The following MYO1D variants were observed in gnomAD, a reference collection of about 807,000 sequenced individuals.
MYO1D encodes unconventional myosin-Id.
In MYO1D, 83 loss-of-function variants were observed where a neutral mutation model predicts 122.0. The ratio of observed to expected loss-of-function variants is 0.68; its 90% confidence interval spans 0.57 to 0.82. The LOEUF is 0.82. Among genes scored for constraint, MYO1D ranks in the 40% least tolerant of loss-of-function variants. The pLI, the probability that MYO1D is intolerant of heterozygous loss-of-function variation, is 0.00. For synonymous variants in MYO1D, 464 were observed against 446.9 expected, an observed-to-expected ratio of 1.04 and a Z score of -0.48; for missense variants, 1,157 against 1,269.5, an observed-to-expected ratio of 0.91 and a Z score of 1.35.
rs753388708 is a variant in MYO1D, at chr17:32,764,997, T to C, written c.916A>G (p.Thr306Ala). 5 of 1,614,066 alleles carry C rather than the reference T, an allele frequency of 3.1e-6. No individual in the cohort carries two copies. The East Asian group carries it at 8.9e-5, about 29-fold the overall frequency. ...VVSIIAELLS[T>A]KTDMVEKALL... ...GCTTTCTCAACCATATCTGTCTTAG[T>C]AGAGAGCAATTCTGCTATGATAGAT... The change falls in exon 8 of 22, where the codon ACT (threonine) becomes GCT (alanine). Residue 306 changes from threonine (T) to alanine (A), a missense_variant. By Grantham distance (58) the Thr-to-Ala change is moderately conservative (BLOSUM62 0). Transcript: ENST00000318217.
chr17:32,828,515 C>CAAAAAAA (rs137921871), intron 1 of MYO1D, among the ~76,000 whole-genome samples: 75 of 71,716 alleles, frequency 1.0e-3, no homozygotes, highest in Non-Finnish European at 1.2e-3. Context: ...GACTCCGTCT[C>CAAAAAAA]AAAAAAAAAA....
chr17:32,560,186 C>T (rs1026830475), intron 21 of MYO1D, among the ~76,000 whole-genome samples: 7 of 151,892 alleles, frequency 4.6e-5, no homozygotes, highest in South Asian at 2.1e-4. Context: ...ACCTGGGAGG[C>T]GGAGGTTGCA....
At chr17:32,657,475 C>A (rs1235591103) in intron 17 of MYO1D, among the ~76,000 whole-genome samples, 3 of 152,208 alleles carry the variant, frequency 2.0e-5, no homozygotes, top group Admixed American at 6.5e-5. Flanking sequence ...GCCTACAAAG[C>A]CTAAAATACT....
intron 15 of MYO1D, among the ~76,000 whole-genome samples, chr17:32,716,792 C>T (rs931474458): frequency 1.3e-5 from 2 of 152,244 alleles, no homozygotes; most frequent in Middle Eastern, 3.2e-3. Context: ...GGCACTCTGC[C>T]TTCTTTCATG....
chr17:32,632,261 TAGC>T (rs2088017729), intron 20 of MYO1D: 1 of 152,082 alleles, frequency 6.6e-6, no homozygotes, highest in South Asian at 2.1e-4. Flanking sequence ...TTAATAAGAG[TAGC>T]AGACTGGAAA....
At chr17:32,869,546 G>A (rs888863637) in intron 1 of MYO1D, among the ~76,000 whole-genome samples, 1 of 152,130 alleles carries the variant, frequency 6.6e-6, no homozygotes, top group Admixed American at 6.6e-5. Context: ...ACCACAAATG[G>A]GTACTAGAGA....
chr17:32,829,152 A>C (rs1432279855), intron 1 of MYO1D, among the ~76,000 whole-genome samples: 1 of 152,258 alleles, frequency 6.6e-6, no homozygotes, highest in East Asian at 1.9e-4. Context: ...TAGCAAAAAG[A>C]GAGTCATCTA....
intron 14 of MYO1D, among the ~76,000 whole-genome samples, chr17:32,737,362 C>CTTTT (rs59432486): frequency 2.1e-5 from 3 of 142,134 alleles, no homozygotes; most frequent in African/African-American, 2.6e-5. Flanking sequence ...AATAATACAA[C>CTTTT]TTTTTTTTTT....
At chr17:32,531,055 G>A (rs1910495039) in intron 21 of MYO1D, among the ~76,000 whole-genome samples, 2 of 152,162 alleles carry the variant, frequency 1.3e-5, no homozygotes, top group Admixed American at 1.3e-4. Flanking sequence ...GCCCAGCATA[G>A]GCCGACACTC....
chr17:32,601,394 T>C (rs1232333832), intron 21 of MYO1D, among the ~76,000 whole-genome samples: 1 of 152,090 alleles, frequency 6.6e-6, no homozygotes, highest in Non-Finnish European at 1.5e-5. Context: ...AGGGAATAGA[T>C]GGTCAGTGGA....
chr17:32,708,539 C>T (rs2089336625), intron 16 of MYO1D, among the ~76,000 whole-genome samples: 1 of 152,264 alleles, frequency 6.6e-6, no homozygotes, highest in South Asian at 2.1e-4. Context: ...CATTAAATTT[C>T]TATAAGGATA....
At chr17:32,695,315 G>A (rs957844163) in intron 16 of MYO1D, among the ~76,000 whole-genome samples, 10 of 152,322 alleles carry the variant, frequency 6.6e-5, no homozygotes, top group African/African-American at 1.4e-4. Flanking sequence ...TACAGGAGGC[G>A]GAGCTCAGGT....
intron 20 of MYO1D, among the ~76,000 whole-genome samples, chr17:32,615,957 A>G (rs545478808): frequency 7.2e-5 from 11 of 152,244 alleles, no homozygotes; most frequent in Non-Finnish European, 1.5e-4. Flanking sequence ...CTGGACTGAA[A>G]GCAACATAGA....
chr17:32,673,090 CTTTTTTTTTTTTTTTT>C (rs60912187), intron 16 of MYO1D, among the ~76,000 whole-genome samples: 2,682 of 28,558 alleles, frequency 0.094, 117 homozygotes, highest in African/African-American at 0.21. Context: ...AAACATGCTA[CTTTTTTTTTTTTTTTT>C]TTTTTTTTTT....
intron 16 of MYO1D, among the ~76,000 whole-genome samples, chr17:32,687,812 G>C (rs1250000106): frequency 6.6e-6 from 1 of 152,168 alleles, no homozygotes; most frequent in Non-Finnish European, 1.5e-5. Context: ...TTATTACCTA[G>C]TATTGAATCA....
intron 5 of MYO1D, 30 bp from the exon 6 acceptor site, chr17:32,771,250 G>T: frequency 1.3e-6 from 2 of 1,504,338 alleles, no homozygotes; most frequent in Non-Finnish European, 1.8e-6. Flanking sequence ...AAATAAATTG[G>T]CCAGACATAC....
intron 21 of MYO1D, among the ~76,000 whole-genome samples, chr17:32,575,569 A>G (rs2150897999): frequency 6.6e-6 from 1 of 152,310 alleles, no homozygotes; most frequent in Non-Finnish European, 1.5e-5. Flanking sequence ...GTCCTATCAG[A>G]TGCATAGTGA....
At position 32,810,380 on chromosome 17, in the gene MYO1D, TC is replaced by T. The variant is rs533867753; in HGVS notation, c.96-29597del. Among the ~76,000 whole-genome samples the T allele has an allele frequency of 3.9e-5, 6 of 152,332 alleles. No individual in the cohort carries two copies. In the East Asian group the frequency reaches 7.7e-4, roughly 20 times the overall value. The stretch of plus-strand genomic sequence containing the variant: ...CTGTGTCAGAATGTGCTGGAGGATT[TC>T]CCCTGGTAATTTAGGTCTAAATAGC... On this transcript the variant is annotated intron_variant, in intron 1 of 21. Transcript: ENST00000318217.
chr17:32,762,744 G>A (rs144121878), intron 8 of MYO1D, among the ~76,000 whole-genome samples: 39 of 151,932 alleles, frequency 2.6e-4, no homozygotes, highest in African/African-American at 9.4e-4. Flanking sequence ...CATGGTGGCG[G>A]GTGCCTGTAA....
Sources: allele counts gnomAD v4.1 joint callset (sites outside exome capture counted in the v4.1 genomes callset), GRCh38; gene constraint gnomAD v4.1.1; transcripts MANE v1.5; gene names NCBI Gene and HGNC (gene_info 2026-07-23, HGNC 2026-07-21).